KCNN2: variants seen among roughly 807,000 people sequenced by gnomAD.
The protein encoded by KCNN2 is small conductance calcium-activated potassium channel protein 2.
A neutral mutation model predicts 55.5 loss-of-function variants in KCNN2; 24 were observed. That is an observed-to-expected ratio of 0.43 (90% CI 0.31 to 0.61). The LOEUF (loss-of-function observed/expected upper bound fraction) is 0.61, where lower values mean the gene tolerates loss of function less well. Ranked by LOEUF, KCNN2 falls within the 20% of genes least tolerant of loss-of-function variation. The pLI is 0.08. For missense variants in KCNN2, 754 were observed against 853.6 expected, an observed-to-expected ratio of 0.88 and a Z score of 1.45; for synonymous variants, 431 against 336.1, an observed-to-expected ratio of 1.28 and a Z score of -3.09.
chr5:114,308,066 C>T (rs1000089644), intron 2 of KCNN2, among the ~76,000 whole-genome samples: 9 of 152,060 alleles, frequency 5.9e-5, no homozygotes, highest in African/African-American at 2.2e-4. Flanking sequence ...ATTATTTACT[C>T]CCGAGAAGAA....
intron 1 of KCNN2, among the ~76,000 whole-genome samples, chr5:114,112,025 G>A (rs573718496): frequency 1.1e-3 from 167 of 152,196 alleles, no homozygotes; most frequent in South Asian, 3.9e-3. Context: ...AGACACATGT[G>A]CATGTATGTT....
At chr5:114,146,628 A>G (rs540655867) in intron 1 of KCNN2, among the ~76,000 whole-genome samples, 9 of 152,290 alleles carry the variant, frequency 5.9e-5, no homozygotes, top group Admixed American at 1.3e-4. Flanking sequence ...TTTGCCAAAG[A>G]GCATTAGGAG....
intron 2 of KCNN2, among the ~76,000 whole-genome samples, chr5:114,399,713 G>A (rs561946511): frequency 2.0e-5 from 3 of 152,084 alleles, no homozygotes; most frequent in Middle Eastern, 3.4e-3. Flanking sequence ...GATAGAATTC[G>A]GCTATGAATT....
chr5:114,251,910 G>A (rs544686183), intron 2 of KCNN2, among the ~76,000 whole-genome samples: 33 of 137,010 alleles, frequency 2.4e-4, no homozygotes, highest in African/African-American at 7.6e-4. Flanking sequence ...ACAGGATCTC[G>A]CTCTGTCGCC....
chr5:114,300,192 T>G (rs1426395379), intron 2 of KCNN2, among the ~76,000 whole-genome samples: 7 of 152,172 alleles, frequency 4.6e-5, no homozygotes, highest in Non-Finnish European at 8.8e-5. Context: ...AAGCCAAGTT[T>G]TGAAAATTCC....
exon 1 of KCNN2, chr5:114,056,486 T>A (rs1215251577): frequency 5.0e-6 from 2 of 398,508 alleles, no homozygotes; most frequent in Non-Finnish European, 8.8e-6. Flanking sequence ...GCGGGACTCC[T>A]GGTTGCAGAA....
intron 4 of KCNN2, among the ~76,000 whole-genome samples, chr5:114,470,217 C>A (rs1580886517): frequency 6.6e-6 from 1 of 152,170 alleles, no homozygotes; most frequent in South Asian, 2.1e-4. Context: ...ATTTTGATTT[C>A]TTTCCAGAAA....
At chr5:114,392,847 G>T (rs778233039) in intron 2 of KCNN2, among the ~76,000 whole-genome samples, 1 of 148,670 alleles carries the variant, frequency 6.7e-6, no homozygotes, top group Admixed American at 6.7e-5. Context: ...CCAAATGCTA[G>T]TTTCTAAGGA....
In KCNN2 at chr5:114,150,056, T is replaced by C. The variant is rs193056737; in HGVS notation, c.-270-71424T>C. Among the ~76,000 whole-genome samples the C allele has an allele frequency of 3.0e-4, 46 of 152,332 alleles. 1 individual carries two copies. In the East Asian group the frequency reaches 8.3e-3, roughly 27 times the overall value. Reference sequence around the variant, plus strand: ...GTGATGTGAAACCTCCCTGACTGCATGTCCGTTCATAGGCTCTCTGCAGGG... The same window carrying C: ...GTGATGTGAAACCTCCCTGACTGCACGTCCGTTCATAGGCTCTCTGCAGGG... On this transcript the variant is annotated intron_variant, in intron 1 of 10. Transcript: ENST00000512097.
rs1157765593 is a variant in KCNN2, at chr5:114,362,146, A to C, written c.7A>C (p.Thr3Pro). The stretch of plus-strand genomic sequence containing the variant: ...CAGCTTTAACAGCCCTGACATGGAA[A>C]CCCCATTGCAGTTCCAGCGCGGCTT... ME[T>P]PLQFQRGFFP... Residue 3 changes from threonine to proline, a missense_variant, in exon 1 of 8, where the codon ACC (threonine) becomes CCC (proline). Physicochemically the swap from Thr to Pro is conservative, Grantham distance 38 (BLOSUM62 -1). Transcript: ENST00000673685. The C allele has an allele frequency of 1.2e-5, 2 of 161,318 alleles. No individual in the cohort carries two copies. Among genetic ancestry groups the C allele is most frequent in the Non-Finnish European group, 2.7e-5 (2 of 74,604 alleles). 10.0% of individuals were successfully genotyped at this position (161,318 alleles called of 1,614,324 possible).
chr5:114,384,433 A>G (rs1332870131), intron 2 of KCNN2, among the ~76,000 whole-genome samples: 1 of 152,214 alleles, frequency 6.6e-6, no homozygotes, highest in Non-Finnish European at 1.5e-5. Context: ...ATTACCCATG[A>G]AAGTGAAGTA....
At chr5:114,066,683 G>C (rs181028513) in intron 1 of KCNN2, among the ~76,000 whole-genome samples, 2 of 152,124 alleles carry the variant, frequency 1.3e-5, no homozygotes, top group Non-Finnish European at 2.9e-5. Context: ...GGGTTCAAGC[G>C]ATCCTGCTGC....
chr5:114,345,972 A>G (rs1757097654), intron 2 of KCNN2, among the ~76,000 whole-genome samples: 1 of 151,984 alleles, frequency 6.6e-6, no homozygotes, highest in Admixed American at 6.6e-5. Flanking sequence ...TAGTAGAGAC[A>G]GGGTCTCACC....
intron 1 of KCNN2, among the ~76,000 whole-genome samples, chr5:114,210,350 G>A (rs923695651): frequency 9.9e-5 from 15 of 152,134 alleles, no homozygotes; most frequent in Non-Finnish European, 1.8e-4. Flanking sequence ...GTATTGAGCT[G>A]TCAAGGAAAA....
intron 2 of KCNN2, among the ~76,000 whole-genome samples, chr5:114,278,662 G>A (rs1755545003): frequency 6.6e-6 from 1 of 152,220 alleles, no homozygotes; most frequent in African/African-American, 2.4e-5. Context: ...TGTGGGCATG[G>A]GACCTGCCAA....
intron 2 of KCNN2, among the ~76,000 whole-genome samples, chr5:114,280,834 A>C (rs1755608755): frequency 6.6e-6 from 1 of 152,158 alleles, no homozygotes; most frequent in Non-Finnish European, 1.5e-5. Context: ...TTTTAAAATA[A>C]AATCTAAATT....
chr5:114,249,012 G>A (rs1249747548), intron 2 of KCNN2, among the ~76,000 whole-genome samples: 1 of 152,098 alleles, frequency 6.6e-6, no homozygotes, highest in Non-Finnish European at 1.5e-5. Flanking sequence ...CCCTAGTACA[G>A]GGTGTTACCA....
intron 3 of KCNN2, among the ~76,000 whole-genome samples, chr5:114,438,127 C>G (rs1410269048): frequency 6.6e-6 from 1 of 152,156 alleles, no homozygotes; most frequent in Non-Finnish European, 1.5e-5. Context: ...AGATTGCCAG[C>G]AATCTGCCAC....
At chr5:114,183,691 C>T (rs546757165) in intron 1 of KCNN2, among the ~76,000 whole-genome samples, 19 of 150,148 alleles carry the variant, frequency 1.3e-4, no homozygotes, top group Non-Finnish European at 2.4e-4. Flanking sequence ...TTATATAAGT[C>T]CTTTCAGTTC....
Sources: gnomAD v4.1 joint callset for allele counts (sites outside exome capture counted in the v4.1 genomes callset) on GRCh38, gnomAD v4.1.1 for gene constraint, MANE v1.5 for transcripts, NCBI Gene and HGNC (gene_info 2026-07-23, HGNC 2026-07-21) for gene names.